RTTN: variants seen among roughly 807,000 people sequenced by gnomAD.
RTTN encodes rotatin.
Under a neutral mutation model 269.2 loss-of-function variants are expected in RTTN, and 182 were observed. The observed-to-expected ratio is 0.68, with a 90% confidence interval of 0.60 to 0.76. The LOEUF is 0.76. RTTN is among the 30% of genes least tolerant of loss of function. The pLI is 0.00. For missense variants in RTTN, 2,545 were observed against 2,608.6 expected (o/e 0.98, Z 0.53); for synonymous variants, 1,006 against 963.5 (o/e 1.04, Z -0.82).
At chr18:70,150,859 A>C (rs1421037533) in intron 14 of RTTN, 126 bp from the exon 15 acceptor site, 14 of 626,568 alleles carry the variant, frequency 2.2e-5, no homozygotes, top group Non-Finnish European at 3.6e-5. Flanking sequence ...TTTTTTAACA[A>C]GACAGAATGA....
chr18:70,031,009 TGAA>T, intron 40 of RTTN, 28 bp from the exon 41 acceptor site: 2 of 1,502,120 alleles, frequency 1.3e-6, no homozygotes, highest in Non-Finnish European at 1.8e-6. Context: ...CAAACTGCCT[TGAA>T]GAAATATTTA....
At chr18:70,095,637 T>G (rs972705066) in intron 28 of RTTN, among the ~76,000 whole-genome samples, 1 of 152,172 alleles carries the variant, frequency 6.6e-6, no homozygotes, top group African/African-American at 2.4e-5. Flanking sequence ...TCTTCTGGCT[T>G]GCAGGGTGTC....
chr18:70,090,490 T>C (rs1250341447), intron 30 of RTTN, among the ~76,000 whole-genome samples: 1 of 152,174 alleles, frequency 6.6e-6, no homozygotes, highest in Non-Finnish European at 1.5e-5. Context: ...GATACAATGA[T>C]TACATAAAGA....
chr18:70,164,265 T>C (rs886890838), intron 14 of RTTN, among the ~76,000 whole-genome samples: 1 of 133,720 alleles, frequency 7.5e-6, no homozygotes, highest in Non-Finnish European at 1.6e-5. Flanking sequence ...TAGGCTTGAG[T>C]GCAGTGGCAT....
At chr18:70,049,030 T>C (rs1345952654) in intron 39 of RTTN, among the ~76,000 whole-genome samples, 4 of 152,192 alleles carry the variant, frequency 2.6e-5, no homozygotes, top group Non-Finnish European at 5.9e-5. Flanking sequence ...GTTTTGAATT[T>C]AATATGTATT....
At chr18:70,196,297 A>G (rs1456722423) in intron 7 of RTTN, among the ~76,000 whole-genome samples, 2 of 23,292 alleles carry the variant, frequency 8.6e-5, no homozygotes, top group Non-Finnish European at 6.1e-3. Flanking sequence ...TCTTATCCAG[A>G]AAAAAAAAAA....
chr18:70,015,746 G>C (rs145607767), intron 46 of RTTN, among the ~76,000 whole-genome samples: 261 of 152,210 alleles, frequency 1.7e-3, no homozygotes, highest in Middle Eastern at 3.4e-3. Context: ...TCTAGAAGTG[G>C]AAAATGCAGA....
chr18:70,060,224 C>T (rs969565700), intron 35 of RTTN, among the ~76,000 whole-genome samples, 182 bp from the exon 36 acceptor site: 10 of 152,224 alleles, frequency 6.6e-5, no homozygotes, highest in South Asian at 6.2e-4. Context: ...TACTCCTGAC[C>T]TCCACCTTCC....
At chr18:70,056,008 G>T (rs1487520858) in intron 37 of RTTN, among the ~76,000 whole-genome samples, 1 of 152,108 alleles carries the variant, frequency 6.6e-6, no homozygotes, top group African/African-American at 2.4e-5. Flanking sequence ...TCCCCTTTCT[G>T]ACACACCCTT....
intron 14 of RTTN, among the ~76,000 whole-genome samples, chr18:70,158,824 C>G (rs534493940): frequency 1.3e-5 from 2 of 152,158 alleles, no homozygotes; most frequent in South Asian, 4.2e-4. Context: ...AGACTTTAAA[C>G]CAACAATGAT....
chr18:70,160,590 AAAAT>A (rs937616948), intron 14 of RTTN, among the ~76,000 whole-genome samples: 4 of 152,004 alleles, frequency 2.6e-5, no homozygotes, highest in African/African-American at 9.7e-5. Flanking sequence ...TCAGGCAAGA[AAAAT>A]AAAAGGCATC....
chr18:70,171,804 C>T (rs953153787), intron 11 of RTTN, among the ~76,000 whole-genome samples: 1 of 152,180 alleles, frequency 6.6e-6, no homozygotes, highest in African/African-American at 2.4e-5. Context: ...TTAGAAATGC[C>T]GGCTCTCAGG....
chr18:70,060,043 C>A lies in RTTN; in HGVS notation c.4748-1G>T. ...CGTGGTGATGTACTTTCCTGGTGAC[C>A]TATTATTGAAAATAAACATAAGAAT... On this transcript the variant is annotated splice_acceptor_variant, in intron 35 of 48. Transcript: ENST00000640769. LOFTEE classifies it high-confidence loss of function. 6.2e-7 allele frequency: 1 copy of A among 1,601,338 alleles called. No individual in the cohort carries two copies. Among genetic ancestry groups the A allele is most frequent in the Non-Finnish European group, 8.5e-7 (1 of 1,173,516 alleles).
rs1278143418 is a variant in RTTN, at chr18:70,086,720, AAAAAAAAAAAAAAG to A, written c.4303-50_4303-37del. On this transcript the variant is annotated intron_variant, in intron 31 of 48. Coordinates refer to ENST00000640769, the MANE Select transcript of RTTN (RefSeq NM_173630.4). The stretch of plus-strand genomic sequence containing the variant: ...AAAAAAAAAAAAAAAAAAAAAAAAA[AAAAAAAAAAAAAAG>A]GTCAATACTGCCATCTTGTGGTCAT... The A allele has an allele frequency of 5.9e-4, 276 of 465,548 alleles. 3 individuals carry two copies. The highest frequency in any genetic ancestry group is 2.7e-3 in the South Asian group (103 of 38,660). 28.8% of individuals were successfully genotyped at this position (465,548 alleles called of 1,614,324 possible). A position where few individuals can be genotyped will look rare whatever the true frequency, so the allele number is the denominator to read the frequency against.
At chr18:70,065,806 G>C (rs1462845013) in intron 35 of RTTN, 23 bp downstream of exon 35, 2 of 1,493,670 alleles carry the variant, frequency 1.3e-6, no homozygotes, top group East Asian at 2.3e-5. Flanking sequence ...TTTGAAGGTA[G>C]AATGTCTTCA....
intron 32 of RTTN, among the ~76,000 whole-genome samples, chr18:70,080,952 ACACACACAC>A (rs2058551113): frequency 6.6e-6 from 1 of 151,820 alleles, no homozygotes; most frequent in South Asian, 2.1e-4. Flanking sequence ...ACACACACAC[ACACACACAC>A]ACACACACAC....
rs757184335 is a variant in RTTN, at chr18:70,166,086, G to GT, written c.1904dup (p.Tyr635Ter). The GT allele has an allele frequency of 3.1e-6, 5 of 1,613,754 alleles. No homozygotes were observed. The highest frequency in any genetic ancestry group is 2.2e-5 in the East Asian group (1 of 44,850). ...HPLPRVKAETYHCCLEITKEC... is the reference protein window; with the variant it reads ...HPLPRVKAET ...CCTTCGTGATTTCCAGACAGCAGTG[G>GT]TAAGTTTCAGCTTTCACTCGTGGCA... Residue 635 changes from tyrosine to a stop codon, truncating the protein, a stop_gained and frameshift_variant, in exon 14 of 49, where the codon TAC becomes TAAC. Transcript: ENST00000640769. LOFTEE classifies it high-confidence loss of function.
intron 14 of RTTN, among the ~76,000 whole-genome samples, chr18:70,153,555 C>T (rs896416189): frequency 3.3e-5 from 5 of 152,040 alleles, no homozygotes; most frequent in Admixed American, 1.3e-4. Context: ...TTTACCATAC[C>T]GTCCTCAAAG....
In RTTN at chr18:70,071,906, C is replaced by G. The variant is rs561033164; in HGVS notation, c.4653+2000G>C. Among the ~76,000 whole-genome samples the G allele has an allele frequency of 3.9e-5, 6 of 152,192 alleles. No homozygotes were observed. In the South Asian group the frequency reaches 6.2e-4, roughly 16 times the overall value. On this transcript the variant is annotated intron_variant, in intron 34 of 48. Coordinates refer to ENST00000640769, the MANE Select transcript of RTTN (RefSeq NM_173630.4). ...TAAAGGATTGCATTTTTTCTCAATT[C>G]TGAGATAAACAAAACAAAGATATAA...
Sources: allele counts gnomAD v4.1 joint callset (sites outside exome capture counted in the v4.1 genomes callset), GRCh38; gene constraint gnomAD v4.1.1; transcripts MANE v1.5; gene names NCBI Gene and HGNC (gene_info 2026-07-23, HGNC 2026-07-21).